The following CACNB2 variants were observed in gnomAD, a reference collection of about 807,000 sequenced individuals.
CACNB2 encodes the protein calcium voltage-gated channel auxiliary subunit beta 2.
A neutral mutation model predicts 73.3 loss-of-function variants in CACNB2; 42 were observed. The ratio of observed to expected loss-of-function variants is 0.57; its 90% CI spans 0.45 to 0.74. The LOEUF (loss-of-function observed/expected upper bound fraction) is 0.74. Among genes scored for constraint, CACNB2 ranks in the 30% least tolerant of loss-of-function variants. The pLI, the probability that CACNB2 is intolerant of heterozygous loss-of-function variation, is 0.00. For synonymous variants in CACNB2, 348 were observed against 310.3 expected (o/e 1.12, Z -1.28); for missense variants, 940 against 853.0 (o/e 1.10, Z -1.27).
intron 3 of CACNB2, among the ~76,000 whole-genome samples, chr10:18,414,977 T>C (rs1397274101): frequency 6.6e-6 from 1 of 152,286 alleles, no homozygotes; most frequent in East Asian, 1.9e-4. Context: ...ATAAAAGATG[T>C]TGAAAACTGT....
intron 2 of CACNB2, among the ~76,000 whole-genome samples, chr10:18,372,339 C>G (rs1013360987): frequency 6.6e-6 from 1 of 152,116 alleles, no homozygotes; most frequent in Non-Finnish European, 1.5e-5. Context: ...GGTTTTAGGT[C>G]TAACATGTAA....
intron 2 of CACNB2, among the ~76,000 whole-genome samples, chr10:18,399,472 T>A (rs780974899): frequency 2.6e-5 from 4 of 152,144 alleles, no homozygotes; most frequent in Non-Finnish European, 4.4e-5. Flanking sequence ...TTCTACGTAT[T>A]TTCTAGTATT....
At chr10:18,458,583 C>T (rs890195372) in intron 3 of CACNB2, among the ~76,000 whole-genome samples, 2 of 151,936 alleles carry the variant, frequency 1.3e-5, no homozygotes, top group Admixed American at 6.6e-5. Flanking sequence ...AATTAATAAA[C>T]AAAATTTTAA....
intron 2 of CACNB2, among the ~76,000 whole-genome samples, chr10:18,365,967 CACAA>C (rs2042329942): frequency 6.6e-6 from 1 of 152,216 alleles, no homozygotes; most frequent in African/African-American, 2.4e-5. Flanking sequence ...TCTCACTTCT[CACAA>C]ACACTCACAT....
intron 7 of CACNB2, chr10:18,514,861 TCAAA>T: frequency 1.3e-6 from 1 of 756,286 alleles, no homozygotes; most frequent in Non-Finnish European, 2.3e-6. Flanking sequence ...TAACTTATGA[TCAAA>T]CATATTAAAG....
At chr10:18,417,779 G>T (rs2045078470) in intron 3 of CACNB2, among the ~76,000 whole-genome samples, 1 of 152,004 alleles carries the variant, frequency 6.6e-6, no homozygotes, top group African/African-American at 2.4e-5. Context: ...TAGAGAAATG[G>T]AAAAATAATC....
intron 2 of CACNB2, among the ~76,000 whole-genome samples, chr10:18,386,895 A>G (rs1046411233): frequency 1.3e-5 from 2 of 152,196 alleles, no homozygotes; most frequent in African/African-American, 4.8e-5. Context: ...TTGGATGTAA[A>G]TGTGATGATG....
intron 5 of CACNB2, among the ~76,000 whole-genome samples, chr10:18,503,524 A>T (rs1156695403): frequency 6.6e-6 from 1 of 152,182 alleles, no homozygotes; most frequent in Non-Finnish European, 1.5e-5. Flanking sequence ...TCAACTTGGA[A>T]GGCGGAGGTT....
intron 2 of CACNB2, among the ~76,000 whole-genome samples, chr10:18,386,463 C>T (rs1424902766): frequency 7.6e-6 from 1 of 130,860 alleles, no homozygotes; most frequent in East Asian, 2.4e-4. Flanking sequence ...AGTGCAGTGG[C>T]GCCATCTCGG....
chr10:18,312,508 T>C (rs1004227084), intron 2 of CACNB2, among the ~76,000 whole-genome samples: 8 of 152,174 alleles, frequency 5.3e-5, no homozygotes, highest in African/African-American at 1.7e-4. Flanking sequence ...AGATGCTGAA[T>C]AAATCCTTGT....
chr10:18,379,916 G>C (rs2042946270), intron 2 of CACNB2, among the ~76,000 whole-genome samples: 3 of 151,922 alleles, frequency 2.0e-5, no homozygotes, highest in South Asian at 4.2e-4. Context: ...CAGACTCCTG[G>C]GCTCAAGCAA....
chr10:18,147,974 G>A (rs930291303), intron 1 of CACNB2, among the ~76,000 whole-genome samples: 2 of 151,828 alleles, frequency 1.3e-5, no homozygotes, highest in Non-Finnish European at 2.9e-5. Context: ...CATTTTTAAA[G>A]GTATATGAAA....
chr10:18,291,769 T>C (rs1306637527), intron 2 of CACNB2, among the ~76,000 whole-genome samples: 1 of 152,212 alleles, frequency 6.6e-6, no homozygotes, highest in East Asian at 1.9e-4. Context: ...TAAGTAGATG[T>C]TGATTTTATA....
At chr10:18,448,104 A>C (rs1307336004) in intron 3 of CACNB2, among the ~76,000 whole-genome samples, 1 of 152,134 alleles carries the variant, frequency 6.6e-6, no homozygotes, top group African/African-American at 2.4e-5. Context: ...CAGTCCTCCC[A>C]CTTCAGCCTC....
chr10:18,326,958 G>T (rs1250345274), intron 2 of CACNB2, among the ~76,000 whole-genome samples: 1 of 152,020 alleles, frequency 6.6e-6, no homozygotes, highest in Non-Finnish European at 1.5e-5. Context: ...TGAACTCCTG[G>T]ACTCAAGTGA....
At chr10:18,286,939 C>G (rs1429773840) in intron 2 of CACNB2, among the ~76,000 whole-genome samples, 1 of 152,150 alleles carries the variant, frequency 6.6e-6, no homozygotes, top group Non-Finnish European at 1.5e-5. Context: ...CCACGATCTC[C>G]AAGTTAAGGA....
chr10:18,250,587 G>A (rs1050590612), intron 2 of CACNB2, among the ~76,000 whole-genome samples: 2 of 151,268 alleles, frequency 1.3e-5, no homozygotes, highest in Admixed American at 6.6e-5. Flanking sequence ...GCCTAAGCTA[G>A]CAATGACTAT....
At chr10:18,403,917 C>A (rs1465510843) in intron 3 of CACNB2, among the ~76,000 whole-genome samples, 1 of 150,282 alleles carries the variant, frequency 6.7e-6, no homozygotes, top group Admixed American at 6.6e-5. Context: ...TATTTGATAG[C>A]ACAATAGGGT....
At chr10:18,219,883 C>T (rs2035662159) in intron 2 of CACNB2, among the ~76,000 whole-genome samples, 1 of 151,138 alleles carries the variant, frequency 6.6e-6, no homozygotes, top group East Asian at 2.0e-4. Context: ...AGTTCTCCGC[C>T]TCAAGCTTCC....
Sources: gnomAD v4.1 joint callset for allele counts (sites outside exome capture counted in the v4.1 genomes callset) on GRCh38, gnomAD v4.1.1 for gene constraint, MANE v1.5 for transcripts, NCBI Gene and HGNC (gene_info 2026-07-23, HGNC 2026-07-21) for gene names.